TRAPPC9: variants seen among roughly 807,000 people sequenced by gnomAD.
TRAPPC9 encodes the protein trafficking protein particle complex subunit 9, also known as IKK2 binding protein.
In TRAPPC9, 83 loss-of-function variants were observed where a neutral mutation model predicts 124.0. The ratio of observed to expected loss-of-function variants is 0.67; its 90% CI spans 0.56 to 0.80. TRAPPC9 has a LOEUF of 0.80. Ranked by LOEUF, TRAPPC9 falls within the 30% of genes least tolerant of loss-of-function variation. The pLI, the probability that TRAPPC9 is intolerant of heterozygous loss-of-function variation, is 0.00. For missense variants in TRAPPC9, 1,302 were observed against 1,508.3 expected, an observed-to-expected ratio of 0.86 and a Z score of 2.27; for synonymous variants, 638 against 617.5, an observed-to-expected ratio of 1.03 and a Z score of -0.49.
At chr8:140,450,414 G>A (rs1051198925) in intron 2 of TRAPPC9, among the ~76,000 whole-genome samples, 1 of 152,110 alleles carries the variant, frequency 6.6e-6, no homozygotes, top group African/African-American at 2.4e-5. Flanking sequence ...TCAAAATCTG[G>A]CGTGGGTTTT....
chr8:140,423,645 C>A (rs563411958), intron 5 of TRAPPC9, among the ~76,000 whole-genome samples: 12 of 147,874 alleles, frequency 8.1e-5, no homozygotes, highest in African/African-American at 3.1e-4. Flanking sequence ...ACATATATAA[C>A]ACATATACAT....
At chr8:139,777,953 C>G (rs142555341) in intron 21 of TRAPPC9, among the ~76,000 whole-genome samples, 1 of 151,770 alleles carries the variant, frequency 6.6e-6, no homozygotes, top group East Asian at 1.9e-4. Context: ...GGACAGAATA[C>G]TGGAAAGGAG....
At chr8:139,865,551 C>T (rs938035934) in intron 21 of TRAPPC9, among the ~76,000 whole-genome samples, 3 of 152,050 alleles carry the variant, frequency 2.0e-5, no homozygotes, top group Non-Finnish European at 2.9e-5. Context: ...ACCAGGCCAC[C>T]GTTGACCTAG....
rs1234280796 is a variant in TRAPPC9 at position 140,101,532 on chromosome 8, C to CTTTTTTTTTTTTTTTTTTTTTT, written c.2557-77454_2557-77453insAAAAAAAAAAAAAAAAAAAAAA. On this transcript the variant is annotated intron_variant, in intron 17 of 22. Coordinates refer to ENST00000438773, the MANE Select transcript of TRAPPC9 (RefSeq NM_001160372.4). ...ACTTGGGTTGGTTTTGTAGGGTTTT[C>CTTTTTTTTTTTTTTTTTTTTTT]TTTTTTTTGTTTTTTTTTTTTTTTT... 1.0e-4 allele frequency among the ~76,000 whole-genome samples: 8 copies of CTTTTTTTTTTTTTTTTTTTTTT among 78,724 alleles called. 2 individuals carry two copies. Among genetic ancestry groups the CTTTTTTTTTTTTTTTTTTTTTT allele is most frequent in the Non-Finnish European group, 1.8e-4 (8 of 44,754 alleles). 51.6% of individuals were successfully genotyped at this position (78,724 alleles called of 152,430 possible).
At chr8:140,159,608 T>C (rs1438502258) in intron 17 of TRAPPC9, among the ~76,000 whole-genome samples, 2 of 152,198 alleles carry the variant, frequency 1.3e-5, no homozygotes, top group Non-Finnish European at 2.9e-5. Context: ...ATCCAAATCA[T>C]TTAGCTAAAG....
intron 17 of TRAPPC9, among the ~76,000 whole-genome samples, chr8:140,147,626 C>T (rs531719918): frequency 9.8e-4 from 149 of 152,340 alleles, no homozygotes; most frequent in African/African-American, 3.5e-3. Flanking sequence ...AGTTATGTTT[C>T]AGTGAACATC....
At chr8:139,930,587 T>C (rs1398811356) in intron 19 of TRAPPC9, among the ~76,000 whole-genome samples, 2 of 152,192 alleles carry the variant, frequency 1.3e-5, no homozygotes, top group Non-Finnish European at 2.9e-5. Flanking sequence ...CAGTGACAGA[T>C]TAATATTCAA....
At chr8:140,008,072 G>T (rs1838876515) in intron 18 of TRAPPC9, among the ~76,000 whole-genome samples, 1 of 152,182 alleles carries the variant, frequency 6.6e-6, no homozygotes, top group African/African-American at 2.4e-5. Context: ...GCCAGCTCCT[G>T]CCCTCCACAG....
intron 14 of TRAPPC9, among the ~76,000 whole-genome samples, chr8:140,281,143 G>C (rs1437672575): frequency 1.3e-5 from 2 of 152,228 alleles, no homozygotes; most frequent in African/African-American, 4.8e-5. Context: ...CCATTGTCTT[G>C]AGCAGGTACC....
chr8:140,223,756 C>A (rs367631220), intron 16 of TRAPPC9, among the ~76,000 whole-genome samples: 184 of 144,182 alleles, frequency 1.3e-3, no homozygotes, highest in African/African-American at 3.4e-3. Context: ...AAAAAAAAAA[C>A]AAAAACACTT....
intron 21 of TRAPPC9, among the ~76,000 whole-genome samples, chr8:139,882,996 G>A (rs1176149009): frequency 3.3e-5 from 5 of 152,328 alleles, no homozygotes; most frequent in Admixed American, 6.5e-5. Flanking sequence ...CAAAACTCAC[G>A]TTGAAACTTA....
intron 21 of TRAPPC9, among the ~76,000 whole-genome samples, chr8:139,786,131 C>G (rs1226390046): frequency 6.6e-6 from 1 of 152,148 alleles, no homozygotes; most frequent in African/African-American, 2.4e-5. Flanking sequence ...TCACTTGAAC[C>G]TGGGAGGCAG....
intron 18 of TRAPPC9, among the ~76,000 whole-genome samples, chr8:139,994,767 A>G (rs1837859214): frequency 2.0e-5 from 3 of 152,172 alleles, no homozygotes; most frequent in African/African-American, 7.2e-5. Context: ...GAAAGCAATC[A>G]TGTGATGGTC....
intron 17 of TRAPPC9, among the ~76,000 whole-genome samples, chr8:140,031,433 T>C (rs1185946395): frequency 1.3e-5 from 2 of 152,260 alleles, no homozygotes; most frequent in Non-Finnish European, 1.5e-5. Context: ...CACCCTCATA[T>C]GTATGCTAGC....
chr8:140,033,657 G>GTTTTTTTTTTTTTTTTT (rs1491525674), intron 17 of TRAPPC9, among the ~76,000 whole-genome samples: 1 of 49,264 alleles, frequency 2.0e-5, no homozygotes, highest in African/African-American at 4.2e-5. Context: ...TTCATAATGT[G>GTTTTTTTTTTTTTTTTT]GTTTTTTTTT....
intron 17 of TRAPPC9, among the ~76,000 whole-genome samples, chr8:140,072,934 T>G (rs1179098352): frequency 1.3e-5 from 2 of 152,130 alleles, no homozygotes; most frequent in Non-Finnish European, 2.9e-5. Flanking sequence ...AATATATGAA[T>G]GGCCAATAAT....
intron 17 of TRAPPC9, among the ~76,000 whole-genome samples, chr8:140,167,350 A>T (rs2061859217): frequency 6.6e-6 from 1 of 152,128 alleles, no homozygotes; most frequent in Non-Finnish European, 1.5e-5. Flanking sequence ...GAAGTGGTTT[A>T]AGGACTGAGA....
intron 10 of TRAPPC9, among the ~76,000 whole-genome samples, chr8:140,306,811 C>T (rs1417967503): frequency 6.6e-6 from 1 of 152,184 alleles, no homozygotes; most frequent in African/African-American, 2.4e-5. Flanking sequence ...TGCTTTCTGA[C>T]TTGGGAAGGG....
chr8:140,302,198 C>G (rs2131833925), intron 10 of TRAPPC9, among the ~76,000 whole-genome samples: 1 of 152,296 alleles, frequency 6.6e-6, no homozygotes, highest in South Asian at 2.1e-4. Context: ...CCCCGGGGAG[C>G]CTGCCACATG....
Sources: allele counts gnomAD v4.1 joint callset (sites outside exome capture counted in the v4.1 genomes callset), GRCh38; gene constraint gnomAD v4.1.1; transcripts MANE v1.5; gene names NCBI Gene and HGNC (gene_info 2026-07-23, HGNC 2026-07-21).